Variants in GABRG1 observed in about 807,000 individuals in gnomAD.
GABRG1 encodes the protein gamma-aminobutyric acid type A receptor subunit gamma1, also known as gamma-aminobutyric acid receptor subunit gamma-1.
In GABRG1, 49 loss-of-function variants were observed where a neutral mutation model predicts 49.8. The ratio of observed to expected loss-of-function variants is 0.98; its 90% CI spans 0.78 to 1.25. GABRG1 has a LOEUF of 1.25. Ranked by LOEUF, GABRG1 falls within the 50% of genes most tolerant of loss-of-function variation. The probability of loss-of-function intolerance (pLI) is 0.00; values close to 1 mark genes in which losing one functional copy is unlikely to be tolerated. For missense variants in GABRG1, 552 were observed against 552.3 expected (o/e 1.00, Z 0.01); for synonymous variants, 232 against 185.1 (o/e 1.25, Z -2.06).
chr4:46,097,299 G>A lies in GABRG1; in HGVS notation c.155C>T (p.Thr52Ile). 2 of 1,610,648 alleles carry A rather than the reference G, an allele frequency of 1.2e-6. No individual in the cohort carries two copies. Among genetic ancestry groups the A allele is most frequent in the Non-Finnish European group, 1.7e-6 (2 of 1,177,936 alleles). ...ATGAATTTTTGGGGCCAAGACCCAG[G>A]TTTTGTTCACCGTTAAATCCTCATC... ...EDDEDLTVNK[T>I]WVLAPKIHEG... The change falls in exon 2 of 9, where the codon ACC becomes ATC. Residue 52 changes from threonine (T) to isoleucine (I), a missense_variant. Thr to Ile is a moderately conservative substitution (Grantham distance 89, BLOSUM62 -1). Transcript: ENST00000295452.
chr4:46,057,788 T>C (rs903253602), intron 7 of GABRG1, among the ~76,000 whole-genome samples: 1 of 152,048 alleles, frequency 6.6e-6, no homozygotes. Flanking sequence ...ATTAGCAATG[T>C]TATAAAAGCA....
At chr4:46,042,229 G>A (rs1193538374) in intron 8 of GABRG1, among the ~76,000 whole-genome samples, 1 of 151,572 alleles carries the variant, frequency 6.6e-6, no homozygotes, top group East Asian at 1.9e-4. Flanking sequence ...TTCCTGATGA[G>A]GCCTATATCA....
intron 1 of GABRG1, among the ~76,000 whole-genome samples, chr4:46,107,620 T>C (rs1287828202): frequency 6.6e-6 from 1 of 151,010 alleles, no homozygotes; most frequent in African/African-American, 2.4e-5. Flanking sequence ...TACTAAATTA[T>C]ATAATTTTGA....
intron 3 of GABRG1, among the ~76,000 whole-genome samples, chr4:46,077,052 A>G (rs1440886840): frequency 6.7e-6 from 1 of 150,108 alleles, no homozygotes; most frequent in Non-Finnish European, 1.5e-5. Flanking sequence ...ATGACATAGT[A>G]TATCATTACT....
Position 46,051,451 on chromosome 4 carries a change from T to A in GABRG1, c.1104A>T (p.Lys368Asn), listed in dbSNP as rs1238498277. Residue 368 changes from lysine (K) to asparagine (N), a missense_variant, in exon 8 of 9, where the codon AAA becomes AAT. Physicochemically the swap from Lys to Asn is moderately conservative, Grantham distance 94 (BLOSUM62 0). Coordinates refer to ENST00000295452, the MANE Select transcript of GABRG1 (RefSeq NM_173536.4). ...TSNQKGKTAT[K>N]DRKLKNKASM... is the part of the protein sequence containing the mutation. ...AGGCTTTATTTTTTAGCTTTCTGTC[T>A]TTAGTAGCAGTCTTTCCTTTTTGGT... 1 of 1,609,536 alleles carries A rather than the reference T, an allele frequency of 6.2e-7. No homozygotes were observed. The highest frequency in any genetic ancestry group is 1.8e-4 in the Middle Eastern group (1 of 5,474).
At position 46,058,306 on chromosome 4, in the gene GABRG1, T is replaced by C; in HGVS notation, c.827A>G (p.Gln276Arg). The C allele has an allele frequency of 6.2e-7, 1 of 1,613,358 alleles. No individual in the cohort carries two copies. Among genetic ancestry groups the C allele is most frequent in the Admixed American group, 1.7e-5 (1 of 59,922 alleles). The change falls in exon 7 of 9, where the codon CAG becomes CGG. Residue 276 changes from glutamine to arginine, a missense_variant. Transcript: ENST00000295452. ...TGTCAGAATGCATGGAATGTAGGTC[T>C]GAATAGTGAAATATCCCATTCTTCT... ...LSRRMGYFTI[Q>R]TYIPCILTVV... is the part of the protein sequence containing the mutation.
At chr4:46,061,214 T>G (rs1718659777) in intron 5 of GABRG1, among the ~76,000 whole-genome samples, 1 of 152,158 alleles carries the variant, frequency 6.6e-6, no homozygotes, top group Admixed American at 6.6e-5. Flanking sequence ...AATCAAGTAT[T>G]TGTTGCTATT....
intron 8 of GABRG1, among the ~76,000 whole-genome samples, chr4:46,043,191 G>A (rs1717851934): frequency 6.6e-6 from 1 of 151,948 alleles, no homozygotes; most frequent in African/African-American, 2.4e-5. Context: ...GAAATATGGT[G>A]TGTTTTTCAG....
chr4:46,070,156 A>T (rs1023322761), intron 3 of GABRG1, among the ~76,000 whole-genome samples: 1 of 151,932 alleles, frequency 6.6e-6, no homozygotes, highest in Admixed American at 6.6e-5. Flanking sequence ...AAAATTACCA[A>T]TTTCCAATGA....
At chr4:46,091,548 G>A (rs1560367406) in intron 2 of GABRG1, among the ~76,000 whole-genome samples, 1 of 151,958 alleles carries the variant, frequency 6.6e-6, no homozygotes, top group South Asian at 2.1e-4. Context: ...AGAAAAGATT[G>A]CAAATATTAT....
At chr4:46,122,315 C>T (rs764395978) in intron 1 of GABRG1, among the ~76,000 whole-genome samples, 8 of 152,010 alleles carry the variant, frequency 5.3e-5, no homozygotes, top group South Asian at 2.1e-4. Flanking sequence ...AAGGAAAACT[C>T]GTATAAAATG....
intron 2 of GABRG1, among the ~76,000 whole-genome samples, chr4:46,095,940 C>T (rs901785867): frequency 5.9e-5 from 9 of 151,680 alleles, no homozygotes; most frequent in Non-Finnish European, 1.3e-4. Context: ...AGCCCATTAC[C>T]CAATAGTTAT....
intron 3 of GABRG1, among the ~76,000 whole-genome samples, chr4:46,068,103 G>T (rs971712251): frequency 6.6e-6 from 1 of 152,084 alleles, no homozygotes; most frequent in Non-Finnish European, 1.5e-5. Context: ...CTAATGACAT[G>T]ATGTCTAATT....
intron 2 of GABRG1, among the ~76,000 whole-genome samples, chr4:46,095,972 T>C (rs967385841): frequency 1.3e-5 from 2 of 151,770 alleles, no homozygotes; most frequent in Admixed American, 1.3e-4. Context: ...CTCTCCTCCT[T>C]CCCACTCCCC....
chr4:46,102,394 T>G (rs1720411303), intron 1 of GABRG1, among the ~76,000 whole-genome samples: 2 of 151,704 alleles, frequency 1.3e-5, no homozygotes, highest in African/African-American at 4.8e-5. Context: ...GGAGGATTCC[T>G]ACCTCCCTGG....
intron 2 of GABRG1, among the ~76,000 whole-genome samples, chr4:46,087,771 C>A (rs556025853): frequency 2.3e-4 from 35 of 151,960 alleles, no homozygotes; most frequent in Admixed American, 3.9e-4. Context: ...AAGATAGATA[C>A]CAAGCTCGAG....
At chr4:46,120,934 T>C (rs911644787) in intron 1 of GABRG1, among the ~76,000 whole-genome samples, 1 of 151,788 alleles carries the variant, frequency 6.6e-6, no homozygotes, top group Admixed American at 6.6e-5. Context: ...ATAACTAGAT[T>C]ATTTTCATCA....
chr4:46,069,108 T>G (rs1181951492), intron 3 of GABRG1, among the ~76,000 whole-genome samples: 1 of 152,090 alleles, frequency 6.6e-6, no homozygotes, highest in Non-Finnish European at 1.5e-5. Flanking sequence ...GCACTGTATC[T>G]CACATTTCAA....
At chr4:46,119,352 CA>C (rs1371242026) in intron 1 of GABRG1, among the ~76,000 whole-genome samples, 1 of 151,314 alleles carries the variant, frequency 6.6e-6, no homozygotes, top group Non-Finnish European at 1.5e-5. Context: ...ATATTGCATT[CA>C]TAATCTGAGA....
Sources: gnomAD v4.1 joint callset for allele counts (sites outside exome capture counted in the v4.1 genomes callset) on GRCh38, gnomAD v4.1.1 for gene constraint, MANE v1.5 for transcripts, NCBI Gene and HGNC (gene_info 2026-07-23, HGNC 2026-07-21) for gene names.